Variants in MYL4 observed in about 807,000 individuals in gnomAD.
MYL4 encodes atrial myosin light chain 1.
MYL4 carries 16 observed loss-of-function variants against 21.6 expected under a neutral mutation model. That is an observed-to-expected ratio of 0.74 (90% CI 0.50 to 1.12). The LOEUF (loss-of-function observed/expected upper bound fraction) is 1.12. MYL4 is among the 50% of genes most tolerant of loss of function. The pLI is 0.00. For synonymous variants in MYL4, 82 were observed against 95.7 expected (o/e 0.86, Z 0.83); for missense variants, 249 against 252.9 (o/e 0.98, Z 0.11).
upstream of MYL4, among the ~76,000 whole-genome samples, chr17:47,206,789 A>T (rs1254710315): frequency 6.6e-6 from 1 of 152,234 alleles, no homozygotes. Context: ...TGGCAGAGTC[A>T]GGACTAGTGC....
At chr17:47,222,578 T>C (rs1262575318) in intron 5 of MYL4, 121 bp downstream of exon 5, 2 of 796,846 alleles carry the variant, frequency 2.5e-6, no homozygotes, top group Non-Finnish European at 4.1e-6. Context: ...AGACCCCCCA[T>C]TGGATGTTGT....
At chr17:47,222,351 G>C in intron 4 of MYL4, 29 bp from the exon 5 acceptor site, 2 of 1,609,720 alleles carry the variant, frequency 1.2e-6, no homozygotes, top group Non-Finnish European at 1.7e-6. Context: ...CTGTAATTAA[G>C]AGCGCACCAC....
At chr17:47,221,954 G>C in intron 4 of MYL4, 99 bp downstream of exon 4, 5 of 1,338,824 alleles carry the variant, frequency 3.7e-6, no homozygotes, top group Non-Finnish European at 5.1e-6. Context: ...TGGTATACAA[G>C]GGTCTTTGCA....
intron 2 of MYL4, among the ~76,000 whole-genome samples, chr17:47,217,630 A>G (rs930573099): frequency 1.3e-5 from 2 of 152,238 alleles, no homozygotes; most frequent in Non-Finnish European, 2.9e-5. Context: ...AGCATTGTTT[A>G]TGCATTTACT....
intron 4 of MYL4, 43 bp downstream of exon 4, chr17:47,221,898 G>A: frequency 6.3e-7 from 1 of 1,588,506 alleles, no homozygotes. Flanking sequence ...GGGAGGAATG[G>A]AGGGGTGGGA....
At chr17:47,213,577 T>C (rs979146968) in intron 1 of MYL4, among the ~76,000 whole-genome samples, 5 of 152,222 alleles carry the variant, frequency 3.3e-5, no homozygotes, top group African/African-American at 1.2e-4. Context: ...TGGTTGAACC[T>C]GGGGAGGAGG....
rs1281961424 is a variant in MYL4, at chr17:47,213,841, C to A, written c.163+15C>A. On this transcript the variant is annotated intron_variant, in intron 2 of 6. Coordinates refer to ENST00000393450, the MANE Select transcript of MYL4 (RefSeq NM_002476.2). ...CCAGATTGAAGGTGAGTATGGACAA[C>A]CCCACCTCTCCGTCTCTATTGCACT... 1 of 1,613,408 alleles carries A rather than the reference C, an allele frequency of 6.2e-7. No individual in the cohort carries two copies. Among genetic ancestry groups the A allele is most frequent in the Admixed American group, 1.7e-5 (1 of 60,026 alleles).
chr17:47,195,993 A>G (rs762432032), upstream of MYL4, among the ~76,000 whole-genome samples: 2 of 152,316 alleles, frequency 1.3e-5, no homozygotes, highest in Middle Eastern at 3.4e-3. Context: ...TGTTTAATGA[A>G]TGAATAGAAT....
At chr17:47,205,239 A>G (rs1187145228), upstream of MYL4, among the ~76,000 whole-genome samples, 2 of 152,066 alleles carry the variant, frequency 1.3e-5, no homozygotes, top group Non-Finnish European at 2.9e-5. Flanking sequence ...AGCCTCAGCA[A>G]CTCTGGCTCA....
intron 4 of MYL4, 143 bp downstream of exon 4, chr17:47,221,998 T>C (rs1598661111): frequency 1.0e-6 from 1 of 971,522 alleles, no homozygotes; most frequent in Non-Finnish European, 1.5e-6. Context: ...AGGCCCTGTC[T>C]CCCTGGGCTC....
chr17:47,199,595 A>T (rs994720300), upstream of MYL4, among the ~76,000 whole-genome samples: 3 of 152,002 alleles, frequency 2.0e-5, no homozygotes, highest in Non-Finnish European at 4.4e-5. Flanking sequence ...TATAATGATA[A>T]ATAGTTTCAC....
intron 2 of MYL4, among the ~76,000 whole-genome samples, chr17:47,219,023 T>C (rs572440110): frequency 6.6e-6 from 1 of 152,208 alleles, no homozygotes; most frequent in Non-Finnish European, 1.5e-5. Flanking sequence ...TGCTTTGTGA[T>C]CCCACCTGCA....
chr17:47,190,492 T>C, the MYL4 span, among the ~76,000 whole-genome samples: 3 of 152,208 alleles, frequency 2.0e-5, no homozygotes, highest in African/African-American at 7.2e-5. Flanking sequence ...CTAGGCTAGA[T>C]GTGAGAATCA....
chr17:47,217,625 T>C (rs1479479287), intron 2 of MYL4, among the ~76,000 whole-genome samples: 1 of 152,232 alleles, frequency 6.6e-6, no homozygotes, highest in African/African-American at 2.4e-5. Flanking sequence ...CTAGCAGCAT[T>C]GTTTATGCAT....
At chr17:47,217,817 T>C (rs1008933591) in intron 2 of MYL4, among the ~76,000 whole-genome samples, 1 of 152,138 alleles carries the variant, frequency 6.6e-6, no homozygotes, top group African/African-American at 2.4e-5. Flanking sequence ...GCTGATCACC[T>C]GAGGTTGGGA....
intron 2 of MYL4, 99 bp downstream of exon 2, chr17:47,213,925 A>G: frequency 7.4e-7 from 1 of 1,351,814 alleles, no homozygotes; most frequent in Non-Finnish European, 1.1e-6. Flanking sequence ...TCATGGTAAT[A>G]GTAATCACTG....
At chr17:47,197,212 CT>C (rs2064692461), upstream of MYL4, among the ~76,000 whole-genome samples, 1 of 150,808 alleles carries the variant, frequency 6.6e-6, no homozygotes, top group African/African-American at 2.4e-5. Flanking sequence ...CATTCTCCTG[CT>C]TCAGCCTCCC....
upstream of MYL4, among the ~76,000 whole-genome samples, chr17:47,206,976 C>A (rs2064730370): frequency 6.6e-6 from 1 of 152,146 alleles, no homozygotes; most frequent in Non-Finnish European, 1.5e-5. Context: ...CTCCCAACCC[C>A]TGTGGGGAAT....
upstream of MYL4, among the ~76,000 whole-genome samples, chr17:47,197,159 C>A (rs975717481): frequency 2.2e-5 from 3 of 138,282 alleles, no homozygotes; most frequent in Non-Finnish European, 4.5e-5. Context: ...AGTGCAGTGG[C>A]GCTATCTCGG....
Sources: allele counts gnomAD v4.1 joint callset (sites outside exome capture counted in the v4.1 genomes callset), GRCh38; gene constraint gnomAD v4.1.1; transcripts MANE v1.5; gene names NCBI Gene and HGNC (gene_info 2026-07-23, HGNC 2026-07-21).